FCRL5: variants seen among roughly 807,000 people sequenced by gnomAD.
FCRL5 encodes Fc receptor-like protein 5.
In FCRL5, 79 loss-of-function variants were observed where a neutral mutation model predicts 92.1. The ratio of observed to expected loss-of-function variants is 0.86; its 90% confidence interval spans 0.72 to 1.03. The LOEUF (loss-of-function observed/expected upper bound fraction) is 1.03. FCRL5 is among the 50% of genes least tolerant of loss of function. The probability of loss-of-function intolerance (pLI) is 0.00; values close to 1 mark genes in which losing one functional copy is unlikely to be tolerated. For synonymous variants in FCRL5, 466 were observed against 469.3 expected (o/e 0.99, Z 0.09); for missense variants, 1,160 against 1,181.1 (o/e 0.98, Z 0.26).
rs756204225 is a variant in FCRL5 at position 157,521,069 on chromosome 1, G to C, written c.2463C>G (p.Ala821=). 6.2e-7 allele frequency: 1 copy of C among 1,613,968 alleles called. No individual in the cohort carries two copies. Among genetic ancestry groups the C allele is most frequent in the Non-Finnish European group, 8.5e-7 (1 of 1,179,962 alleles). The part of the protein sequence containing the change: ...AEHSGNYSCE[A]DNGLGAQRSE... ...TGCGCTGGGCCCCGAGGCCATTGTC[G>C]GCCTCACAGGAGTAGTTTCCAGAGT... The change falls in exon 11 of 17, where the codon GCC becomes GCG. Residue 821 remains alanine, a synonymous_variant. Transcript: ENST00000361835.
In FCRL5 at chr1:157,513,975, A is replaced by T. The variant is rs1649818249; in HGVS notation, c.*1700T>A. ...TTAGTTGCATATCTGTAGTGATGAC[A>T]AATGCCTCCAGCCTTGTCCTCTGCA... is the stretch of plus-strand genomic sequence containing the variant. On this transcript the variant is annotated 3_prime_UTR_variant, in exon 17 of 17. Transcript: ENST00000361835. 6.6e-6 allele frequency: 1 copy of T among 152,212 alleles called. No individual in the cohort carries two copies. Among genetic ancestry groups the T allele is most frequent in the African/African-American group, 2.4e-5 (1 of 41,460 alleles). The allele number at this position is 152,212 out of a possible 1,614,324, so 9.4% of individuals were successfully genotyped here. A position where few individuals can be genotyped will look rare whatever the true frequency, so the allele number is the denominator to read the frequency against.
intron 7 of FCRL5, among the ~76,000 whole-genome samples, chr1:157,538,171 G>A (rs1651062703): frequency 6.6e-6 from 1 of 152,190 alleles, no homozygotes; most frequent in Non-Finnish European, 1.5e-5. Flanking sequence ...TAGGAGTACT[G>A]TTCTTTTTCT....
chr1:157,549,526 G>C, intron 2 of FCRL5, 34 bp downstream of exon 2: 1 of 1,600,414 alleles, frequency 6.2e-7, no homozygotes, highest in East Asian at 2.2e-5. Context: ...CTCTTAACCA[G>C]AGACGCTGAA....
chr1:157,551,648 A>T (rs1651816898), intron 1 of FCRL5, among the ~76,000 whole-genome samples: 1 of 152,234 alleles, frequency 6.6e-6, no homozygotes, highest in Admixed American at 6.5e-5. Context: ...GTGCATAGAT[A>T]TTACTAAACA....
At chr1:157,545,179 G>A in intron 3 of FCRL5, 97 bp from the exon 4 acceptor site, 1 of 1,343,674 alleles carries the variant, frequency 7.4e-7, no homozygotes. Flanking sequence ...AAAATGGGTT[G>A]GGAAAAAGAA....
chr1:157,517,912 T>C (rs996403170), intron 15 of FCRL5, among the ~76,000 whole-genome samples: 1 of 152,050 alleles, frequency 6.6e-6, no homozygotes, highest in Non-Finnish European at 1.5e-5. Flanking sequence ...TGATGAGACA[T>C]GAAAGATGAT....
intron 11 of FCRL5, 32 bp downstream of exon 11, chr1:157,520,985 C>T (rs1243850115): frequency 6.4e-7 from 1 of 1,570,792 alleles, no homozygotes; most frequent in East Asian, 2.2e-5. Context: ...AACATTTTGT[C>T]CGCATCTGTG....
chr1:157,518,569 C>T (rs748732734), intron 14 of FCRL5, 72 bp from the exon 15 acceptor site: 83 of 1,486,544 alleles, frequency 5.6e-5, no homozygotes, highest in Admixed American at 1.7e-4. Context: ...CCTCCTCCCC[C>T]AGCCAGAGTC....
At chr1:157,521,686 T>C (rs1650206059) in intron 10 of FCRL5, 1 of 155,732 alleles carries the variant, frequency 6.4e-6, no homozygotes, top group African/African-American at 2.4e-5. Context: ...TTGGTGGTAA[T>C]ACAAATTTAA....
intron 7 of FCRL5, among the ~76,000 whole-genome samples, chr1:157,538,646 T>C (rs1651093231): frequency 4.6e-5 from 7 of 152,226 alleles, no homozygotes; most frequent in Admixed American, 4.6e-4. Context: ...CAGCGACTTG[T>C]CTTTGTGTCT....
At chr1:157,531,494 C>T (rs1427293523) in intron 8 of FCRL5, among the ~76,000 whole-genome samples, 1 of 152,130 alleles carries the variant, frequency 6.6e-6, no homozygotes, top group Non-Finnish European at 1.5e-5. Context: ...AATAAAGTCG[C>T]TATGTTAAAG....
chr1:157,543,242 G>A, intron 5 of FCRL5, 105 bp from the exon 6 acceptor site: 1 of 1,131,818 alleles, frequency 8.8e-7, no homozygotes, highest in East Asian at 2.5e-5. Flanking sequence ...CCCTTAACTT[G>A]CTGCCATCAG....
intron 15 of FCRL5, 63 bp from the exon 16 acceptor site, chr1:157,515,936 C>CGCTGTGGG (rs1558124200): frequency 6.3e-7 from 1 of 1,585,768 alleles, no homozygotes; most frequent in African/African-American, 1.3e-5. Flanking sequence ...CTTGTGCCTG[C>CGCTGTGGG]GCTGTGGGGC....
At chr1:157,534,993 A>C in intron 7 of FCRL5, 101 bp from the exon 8 acceptor site, 3 of 1,130,636 alleles carry the variant, frequency 2.7e-6, no homozygotes, top group Non-Finnish European at 3.7e-6. Context: ...CAGGATCTCT[A>C]GACTTCACCT....
chr1:157,549,593 AAG>A lies in FCRL5; in HGVS notation c.32-15_32-14del, dbSNP rs146307013. The A allele has an allele frequency of 2.5e-3, 3,998 of 1,612,056 alleles. 79 individuals are homozygous for A. The African/African-American group carries it at 0.048, about 19-fold the overall frequency. On this transcript the variant is annotated splice_polypyrimidine_tract_variant and intron_variant, in intron 1 of 16. Coordinates refer to ENST00000361835, the MANE Select transcript of FCRL5 (RefSeq NM_031281.3). The stretch of plus-strand genomic sequence containing the variant: ...CCACTGACAGGAGCTGCAAAAAAAT[AAG>A]AGCCAGAGATGAGCACAGAACCATG...
At chr1:157,543,250 C>T in intron 5 of FCRL5, 113 bp from the exon 6 acceptor site, 1 of 982,494 alleles carries the variant, frequency 1.0e-6, no homozygotes, top group Non-Finnish European at 1.5e-6. Flanking sequence ...TTGCTGCCAT[C>T]AGAACCACAC....
intron 8 of FCRL5, among the ~76,000 whole-genome samples, chr1:157,529,106 A>G (rs1050967916): frequency 2.0e-5 from 3 of 152,226 alleles, no homozygotes; most frequent in African/African-American, 7.2e-5. Context: ...ACTCAAACAA[A>G]TCATCAGGAA....
At chr1:157,525,408 A>G (rs1176656662) in intron 9 of FCRL5, among the ~76,000 whole-genome samples, 1 of 152,242 alleles carries the variant, frequency 6.6e-6, no homozygotes, top group Non-Finnish European at 1.5e-5. Flanking sequence ...CATCACACTG[A>G]GAAGATTCTG....
chr1:157,552,502 C>A lies in FCRL5; in HGVS notation c.-140G>T. 1.2e-6 allele frequency: 1 copy of A among 802,582 alleles called. No individual in the cohort carries two copies. The highest frequency in any genetic ancestry group is 2.1e-6 in the Non-Finnish European group (1 of 475,498). The allele number at this position is 802,582 out of a possible 1,614,324, so 49.7% of individuals were successfully genotyped here. A position where few individuals can be genotyped will look rare whatever the true frequency, so the allele number is the denominator to read the frequency against. ...TGAGAAGCTGTGCTCTCAAAAAGAG[C>A]AGAATGCATTAGTGAATTGAAAAAA... On this transcript the variant is annotated 5_prime_UTR_variant, in exon 1 of 17. Coordinates refer to ENST00000361835, the MANE Select transcript of FCRL5 (RefSeq NM_031281.3).
Sources: gnomAD v4.1 joint callset for allele counts (sites outside exome capture counted in the v4.1 genomes callset) on GRCh38, gnomAD v4.1.1 for gene constraint, MANE v1.5 for transcripts, NCBI Gene and HGNC (gene_info 2026-07-23, HGNC 2026-07-21) for gene names.